CCDC138: variants seen among roughly 807,000 people sequenced by gnomAD.
CCDC138 encodes the protein coiled-coil domain-containing protein 138.
A neutral mutation model predicts 82.3 loss-of-function variants in CCDC138; 66 were observed. The ratio of observed to expected loss-of-function variants is 0.80; its 90% CI spans 0.66 to 0.98. CCDC138 has a LOEUF of 0.98. CCDC138 is among the 50% of genes least tolerant of loss of function. The pLI, the probability that CCDC138 is intolerant of heterozygous loss-of-function variation, is 0.00. For missense variants in CCDC138, 816 were observed against 758.9 expected (o/e 1.08, Z -0.88); for synonymous variants, 297 against 265.4 (o/e 1.12, Z -1.16).
At chr2:108,830,396 A>G (rs932494462) in intron 10 of CCDC138, among the ~76,000 whole-genome samples, 1 of 152,226 alleles carries the variant, frequency 6.6e-6, no homozygotes, top group South Asian at 2.1e-4. Flanking sequence ...AGTTATGTAT[A>G]TTTTACCATA....
At chr2:108,793,845 G>A (rs954265548) in intron 4 of CCDC138, among the ~76,000 whole-genome samples, 2 of 151,466 alleles carry the variant, frequency 1.3e-5, no homozygotes, top group East Asian at 3.9e-4. Flanking sequence ...CTCATGATCC[G>A]CCCGCCTCGG....
rs547762100 is a variant in CCDC138, at chr2:108,865,944, T to G, written c.1694-7507T>G. Among the ~76,000 whole-genome samples, 7 of 152,220 alleles carry G rather than the reference T, an allele frequency of 4.6e-5. No homozygotes were observed. The South Asian group carries it at 1.5e-3, about 32-fold the overall frequency. On this transcript the variant is annotated intron_variant, in intron 13 of 14. Transcript: ENST00000295124. ...TTTCTGGGTAGTTCCTAGAAAACTT[T>G]GGACATTAGACACATAGGGTACCTC...
At chr2:108,876,015 TTATC>T (rs1695975972) in intron 14 of CCDC138, 69 bp from the exon 15 acceptor site, 1 of 916,096 alleles carries the variant, frequency 1.1e-6, no homozygotes, top group Non-Finnish European at 1.6e-6. Context: ...TACACATAAA[TTATC>T]TGTCAGTGTC....
chr2:108,804,744 C>T (rs1682548080), intron 6 of CCDC138, 145 bp from the exon 7 acceptor site: 1 of 570,590 alleles, frequency 1.8e-6, no homozygotes, highest in East Asian at 3.2e-5. Flanking sequence ...AATTACTTGC[C>T]ACACTAGTCA....
At chr2:108,841,237 G>T (rs374653183) in intron 11 of CCDC138, among the ~76,000 whole-genome samples, 19 of 152,228 alleles carry the variant, frequency 1.2e-4, no homozygotes, top group African/African-American at 4.6e-4. Flanking sequence ...TATGTATTCT[G>T]TTGTTTGGTA....
intron 13 of CCDC138, among the ~76,000 whole-genome samples, chr2:108,872,908 C>T (rs188182512): frequency 3.4e-4 from 52 of 152,254 alleles, no homozygotes; most frequent in African/African-American, 1.1e-3. Flanking sequence ...ATAGCTTCAA[C>T]ATAAAAGTCC....
intron 12 of CCDC138, among the ~76,000 whole-genome samples, chr2:108,856,400 G>A (rs1456701374): frequency 6.6e-6 from 1 of 152,156 alleles, no homozygotes; most frequent in Non-Finnish European, 1.5e-5. Flanking sequence ...CATTTAGGAA[G>A]CAGCAACAAA....
intron 7 of CCDC138, among the ~76,000 whole-genome samples, chr2:108,810,496 G>C (rs1683609081): frequency 6.6e-6 from 1 of 152,086 alleles, no homozygotes; most frequent in Non-Finnish European, 1.5e-5. Flanking sequence ...GCCTTCCTGT[G>C]TCCCTGGGAT....
At chr2:108,791,471 G>T in intron 3 of CCDC138, 2 of 582,796 alleles carry the variant, frequency 3.4e-6, no homozygotes, top group East Asian at 7.6e-5. Flanking sequence ...TTAATGTGTA[G>T]AAAAAGATGC....
chr2:108,820,699 C>CAAAAAAAAAAAAAA (rs764017401), intron 10 of CCDC138, among the ~76,000 whole-genome samples: 5 of 62,582 alleles, frequency 8.0e-5, no homozygotes, highest in African/African-American at 2.7e-4. Context: ...ATTCAAAGTG[C>CAAAAAAAAAAAAAA]AAAAAAAAAA....
At chr2:108,850,525 C>T (rs1210287037) in intron 12 of CCDC138, among the ~76,000 whole-genome samples, 1 of 152,080 alleles carries the variant, frequency 6.6e-6, no homozygotes, top group Non-Finnish European at 1.5e-5. Context: ...GATCTTGGCT[C>T]ACTGCAGCCT....
chr2:108,873,108 A>C (rs1695530324), intron 13 of CCDC138, among the ~76,000 whole-genome samples: 1 of 152,100 alleles, frequency 6.6e-6, no homozygotes, highest in African/African-American at 2.4e-5. Context: ...ACTTAAGCAG[A>C]ATTTCTTGTT....
chr2:108,854,139 G>A (rs1055725758), intron 12 of CCDC138, among the ~76,000 whole-genome samples: 3 of 140,250 alleles, frequency 2.1e-5, no homozygotes, highest in African/African-American at 8.0e-5. Context: ...TAGAAAATGT[G>A]TACATTAGGA....
intron 1 of CCDC138, 97 bp from the exon 2 acceptor site, chr2:108,787,935 C>CTT: frequency 9.4e-7 from 1 of 1,067,966 alleles, no homozygotes; most frequent in Non-Finnish European, 1.3e-6. Context: ...TTTCTCCACT[C>CTT]TAACCTTTGT....
intron 10 of CCDC138, among the ~76,000 whole-genome samples, chr2:108,820,027 T>C (rs1685405795): frequency 6.6e-6 from 1 of 152,156 alleles, no homozygotes; most frequent in African/African-American, 2.4e-5. Flanking sequence ...ATTCTGGAGC[T>C]GAAAAATACA....
intron 3 of CCDC138, 21 bp from the exon 4 acceptor site, chr2:108,791,654 G>A: frequency 6.3e-7 from 1 of 1,599,166 alleles, no homozygotes; most frequent in Non-Finnish European, 8.5e-7. Flanking sequence ...AGATTGCTGT[G>A]ATACAATTAT....
chr2:108,835,143 A>T (rs918136600), intron 10 of CCDC138, among the ~76,000 whole-genome samples: 2 of 152,246 alleles, frequency 1.3e-5, no homozygotes, highest in African/African-American at 4.8e-5. Context: ...ACAACAAAGG[A>T]AGTTTATGCA....
At chr2:108,867,042 TTATAAAA>T (rs1377709821) in intron 13 of CCDC138, among the ~76,000 whole-genome samples, 19 of 152,280 alleles carry the variant, frequency 1.2e-4, no homozygotes, top group Non-Finnish European at 4.4e-5. Context: ...TAAAGGGGAA[TTATAAAA>T]TATTTATTAT....
chr2:108,806,924 G>A (rs1477125955), intron 7 of CCDC138, among the ~76,000 whole-genome samples: 3 of 152,202 alleles, frequency 2.0e-5, no homozygotes, highest in African/African-American at 7.2e-5. Flanking sequence ...GTTGAAAGGA[G>A]CAGCATTGTG....
Sources: allele counts gnomAD v4.1 joint callset (sites outside exome capture counted in the v4.1 genomes callset), GRCh38; gene constraint gnomAD v4.1.1; transcripts MANE v1.5; gene names NCBI Gene and HGNC (gene_info 2026-07-23, HGNC 2026-07-21).